Variants in CRTAC1 observed in about 807,000 individuals in gnomAD.
CRTAC1 encodes cartilage acidic protein 1.
Under a neutral mutation model 67.8 loss-of-function variants are expected in CRTAC1, and 37 were observed. The observed-to-expected ratio is 0.55, with a 90% CI of 0.42 to 0.72. CRTAC1 has a LOEUF of 0.72. Among genes scored for constraint, CRTAC1 ranks in the 30% least tolerant of loss-of-function variants. The pLI, the probability that CRTAC1 is intolerant of heterozygous loss-of-function variation, is 0.00. For synonymous variants in CRTAC1, 348 were observed against 371.0 expected (o/e 0.94, Z 0.71); for missense variants, 780 against 931.6 (o/e 0.84, Z 2.12).
intron 2 of CRTAC1, among the ~76,000 whole-genome samples, chr10:97,960,417 T>C (rs1212196524): frequency 6.6e-6 from 1 of 152,218 alleles, no homozygotes; most frequent in Non-Finnish European, 1.5e-5. Context: ...GACACATGCC[T>C]CCATACATAC....
rs542866638 is a variant in CRTAC1 at position 98,023,473 on chromosome 10, G to A, written c.24+6976C>T. Among the ~76,000 whole-genome samples the A allele has an allele frequency of 2.6e-5, 4 of 152,332 alleles. No individual in the cohort carries two copies. The South Asian group carries it at 6.2e-4, about 24-fold the overall frequency. On this transcript the variant is annotated intron_variant, in intron 1 of 14. Coordinates refer to ENST00000370597, the MANE Select transcript of CRTAC1 (RefSeq NM_018058.7). ...CATGCTAGGCACTGAATTTGTGGCT[G>A]AGAACAAATGACGGTGTCTCCCTCA...
In CRTAC1 at chr10:98,030,367, T is replaced by C. The variant is rs1210718063; in HGVS notation, c.24+82A>G. ...TTCCCGGGCGGCGTCCCCGCCACCC[T>C]TGCGGGCGGATCCGGGGGGGCGCGC... On this transcript the variant is annotated intron_variant, in intron 1 of 14. Coordinates refer to ENST00000370597, the MANE Select transcript of CRTAC1 (RefSeq NM_018058.7). This position sits in a 1 kb window ranked among gnomAD's most constrained non-coding sequence, Gnocchi z 4.2. 1 of 925,700 alleles carries C rather than the reference T, an allele frequency of 1.1e-6. No individual in the cohort carries two copies. Among genetic ancestry groups the C allele is most frequent in the Non-Finnish European group, 1.4e-6 (1 of 694,652 alleles). The allele number at this position is 925,700 out of a possible 1,614,324, so 57.3% of individuals were successfully genotyped here. A position where few individuals can be genotyped will look rare whatever the true frequency, so the allele number is the denominator to read the frequency against.
At chr10:97,939,165 G>A (rs1336137907) in intron 2 of CRTAC1, among the ~76,000 whole-genome samples, 1 of 152,216 alleles carries the variant, frequency 6.6e-6, no homozygotes, top group Non-Finnish European at 1.5e-5. Flanking sequence ...TTCCAAGGGA[G>A]AGGTGAGGGA....
chr10:97,873,800 G>A (rs1180778184), intron 14 of CRTAC1, among the ~76,000 whole-genome samples: 2 of 152,210 alleles, frequency 1.3e-5, no homozygotes, highest in Non-Finnish European at 2.9e-5. Context: ...TTCTGGGAAC[G>A]GGTGATACAG....
chr10:97,996,503 T>C lies in CRTAC1; in HGVS notation c.224+14635A>G, dbSNP rs1842573315. ...AAAAAATGCTCATCATCACTGGCCA[T>C]CAGAGAAATGCAAATCAAAACCACA... On this transcript the variant is annotated intron_variant, in intron 2 of 14. Transcript: ENST00000370597. 2.6e-5 allele frequency among the ~76,000 whole-genome samples: 4 copies of C among 152,016 alleles called. No homozygotes were observed. The South Asian group carries it at 8.3e-4, about 32-fold the overall frequency.
At position 97,880,411 on chromosome 10, in the gene CRTAC1, C is replaced by G. The variant is rs763541060; in HGVS notation, c.1676-19G>C. On this transcript the variant is annotated intron_variant, in intron 13 of 14. Transcript: ENST00000370597. Reference sequence around the variant, plus strand: ...TTGGTGTCTGCAAGGCGAGGGGAACCACTCACCATGAAGGTGTGGGGCAGC... The same window carrying G: ...TTGGTGTCTGCAAGGCGAGGGGAACGACTCACCATGAAGGTGTGGGGCAGC... 1.4e-5 allele frequency: 22 copies of G among 1,610,308 alleles called. No individual in the cohort carries two copies. Among genetic ancestry groups the G allele is most frequent in the Non-Finnish European group, 1.7e-5 (20 of 1,176,822 alleles).
chr10:97,884,304 T>A lies in CRTAC1; in HGVS notation c.1534A>T (p.Met512Leu). 1 of 1,553,488 alleles carries A rather than the reference T, an allele frequency of 6.4e-7. No homozygotes were observed. Among genetic ancestry groups the A allele is most frequent in the Non-Finnish European group, 8.7e-7 (1 of 1,148,054 alleles). Reference sequence around the variant, plus strand: ...CCGCTGGCCACGTTCCGGCTCACCATCTTGCCATCTGGCCACGTCACCTCC... The same window carrying A: ...CCGCTGGCCACGTTCCGGCTCACCAACTTGCCATCTGGCCACGTCACCTCC... ...SVEVTWPDGKMVSRNVASGEM... is the reference protein window; with the variant it reads ...SVEVTWPDGKLVSRNVASGEM... The change falls in exon 12 of 15, where the codon ATG becomes TTG. Residue 512 changes from methionine (M) to leucine (L), a missense_variant. Coordinates refer to ENST00000370597, the MANE Select transcript of CRTAC1 (RefSeq NM_018058.7).
chr10:98,001,484 A>G lies in CRTAC1; in HGVS notation c.224+9654T>C, dbSNP rs1842687262. 2.6e-5 allele frequency among the ~76,000 whole-genome samples: 4 copies of G among 152,154 alleles called. No individual in the cohort carries two copies. The South Asian group carries it at 8.3e-4, about 32-fold the overall frequency. ...ATTACGTGTCTCTAGGCAAGGAAGA[A>G]CTCTGCCAGTTAAATGCAGGCTGCC... On this transcript the variant is annotated intron_variant, in intron 2 of 14. Coordinates refer to ENST00000370597, the MANE Select transcript of CRTAC1 (RefSeq NM_018058.7).
rs892574183 is a variant in CRTAC1, at chr10:97,953,810, T to C, written c.225-17444A>G. Among the ~76,000 whole-genome samples, 5 of 152,246 alleles carry C rather than the reference T, an allele frequency of 3.3e-5. No individual in the cohort carries two copies. The East Asian group carries it at 9.6e-4, about 29-fold the overall frequency. ...TTTACCCAACCATAATGTGTTATTTTCCTCCTATTCATGAGCAAACATATT... is the reference window on the plus strand; with the variant it reads ...TTTACCCAACCATAATGTGTTATTTCCCTCCTATTCATGAGCAAACATATT... On this transcript the variant is annotated intron_variant, in intron 2 of 14. Coordinates refer to ENST00000370597, the MANE Select transcript of CRTAC1 (RefSeq NM_018058.7).
At chr10:97,919,627 G>A (rs2050807413) in intron 4 of CRTAC1, among the ~76,000 whole-genome samples, 1 of 152,056 alleles carries the variant, frequency 6.6e-6, no homozygotes, top group African/African-American at 2.4e-5. Flanking sequence ...AGTGGCATTG[G>A]TGACCTCTGG....
intron 1 of CRTAC1, among the ~76,000 whole-genome samples, chr10:98,020,042 T>G (rs182862177): frequency 2.6e-5 from 4 of 152,328 alleles, no homozygotes; most frequent in Non-Finnish European, 5.9e-5. Context: ...CACAAATCTC[T>G]CTCAATCCTG....
At chr10:97,870,376 C>T (rs56332746) in intron 14 of CRTAC1, 11,004 of 152,146 alleles carry the variant, frequency 0.072, 591 homozygotes, top group African/African-American at 0.14. Context: ...TGTGATTCCC[C>T]TTATATGAAA....
chr10:98,005,804 C>G (rs1842778448), intron 2 of CRTAC1, among the ~76,000 whole-genome samples: 2 of 151,976 alleles, frequency 1.3e-5, no homozygotes, highest in Non-Finnish European at 2.9e-5. Context: ...AATTTATCTC[C>G]TATATGATCA....
chr10:97,904,638 C>G (rs768889091), intron 7 of CRTAC1, 31 bp downstream of exon 7: 11 of 1,492,838 alleles, frequency 7.4e-6, no homozygotes, highest in Non-Finnish European at 9.8e-6. Context: ...ACAGGCTGGT[C>G]TTGAACTCCT....
chr10:97,987,287 T>C (rs1474602690), intron 2 of CRTAC1, among the ~76,000 whole-genome samples: 2 of 152,228 alleles, frequency 1.3e-5, no homozygotes, highest in Non-Finnish European at 2.9e-5. Flanking sequence ...TCTGAGACAC[T>C]GACTTTACTC....
Position 97,899,521 on chromosome 10 carries a change from C to T in CRTAC1, c.1133+1982G>A, listed in dbSNP as rs551732278. ...CAGTGCTCAGGCCTCGTCCTCCTGG[C>T]GAGTGACACTTTATTAGCCAGAGAA... is the stretch of plus-strand genomic sequence containing the variant. On this transcript the variant is annotated intron_variant, in intron 8 of 14. Coordinates refer to ENST00000370597, the MANE Select transcript of CRTAC1 (RefSeq NM_018058.7). 2.0e-5 allele frequency among the ~76,000 whole-genome samples: 3 copies of T among 152,262 alleles called. No homozygotes were observed. The South Asian group carries it at 6.2e-4, about 32-fold the overall frequency.
intron 2 of CRTAC1, among the ~76,000 whole-genome samples, chr10:97,950,020 C>A (rs2051325964): frequency 6.6e-6 from 1 of 152,050 alleles, no homozygotes; most frequent in Non-Finnish European, 1.5e-5. Flanking sequence ...CCTGTGTAGC[C>A]TTGAGTACAG....
chr10:97,866,272 C>T (rs560566628), intron 14 of CRTAC1: 1 of 152,946 alleles, frequency 6.5e-6, no homozygotes, highest in Non-Finnish European at 1.5e-5. Context: ...TCAGCGCACT[C>T]CTGACCTCTT....
intron 1 of CRTAC1, among the ~76,000 whole-genome samples, chr10:98,028,408 C>T (rs910372232): frequency 1.3e-5 from 2 of 152,238 alleles, no homozygotes; most frequent in Non-Finnish European, 2.9e-5. Context: ...TAGGCTTCCA[C>T]CGCCTCAGCA....
Sources: gnomAD v4.1 joint callset for allele counts (sites outside exome capture counted in the v4.1 genomes callset) on GRCh38, gnomAD v4.1.1 for gene constraint, Gnocchi (gnomAD v3.1) non-coding constraint, MANE v1.5 for transcripts, NCBI Gene and HGNC (gene_info 2026-07-23, HGNC 2026-07-21) for gene names.